Variants in CTNNA2 observed in about 807,000 individuals in gnomAD.
The protein encoded by CTNNA2 is catenin alpha 2.
Under a neutral mutation model 101.0 loss-of-function variants are expected in CTNNA2, and 42 were observed. The observed-to-expected ratio is 0.42, with a 90% CI of 0.32 to 0.54. The LOEUF (loss-of-function observed/expected upper bound fraction) is 0.54, where lower values mean the gene tolerates loss of function less well. Among genes scored for constraint, CTNNA2 ranks in the 20% least tolerant of loss-of-function variants. The pLI is 0.14. For synonymous variants in CTNNA2, 450 were observed against 456.4 expected (o/e 0.99, Z 0.18); for missense variants, 871 against 1,223.1 (o/e 0.71, Z 4.29).
chr2:79,545,661 T>G (rs1036735015), intron 1 of CTNNA2, among the ~76,000 whole-genome samples: 3 of 152,210 alleles, frequency 2.0e-5, no homozygotes, highest in Admixed American at 6.5e-5. Context: ...AGTTTATTGA[T>G]CTTCACAAAT....
rs187261084 is a variant in CTNNA2 at position 79,464,934 on chromosome 2, G to T, written c.-134-40120G>T. Among the ~76,000 whole-genome samples the T allele has an allele frequency of 0.011, 1,637 of 151,880 alleles. 80 individuals carry two copies. In the East Asian group the frequency reaches 0.13, roughly 12 times the overall value. ...AAAATGTTCTCCCATTCTGTAGGTT[G>T]CCTGTTCACTCTGATGGCAGTTTCT... On this transcript the variant is annotated intron_variant, in intron 4 of 21. Transcript: ENST00000466387.
At chr2:79,807,563 G>T (rs965005839) in intron 3 of CTNNA2, among the ~76,000 whole-genome samples, 1 of 152,084 alleles carries the variant, frequency 6.6e-6, no homozygotes, top group African/African-American at 2.4e-5. Context: ...TCCAGACTTA[G>T]TGAATTTATT....
At chr2:80,073,773 T>TACAC in intron 7 of CTNNA2, among the ~76,000 whole-genome samples, 2 of 104,824 alleles carry the variant, frequency 1.9e-5, no homozygotes, top group Non-Finnish European at 4.1e-5. Context: ...CACACACACT[T>TACAC]ATAGGATTGG....
At chr2:79,506,567 A>C (rs138272344) in intron 5 of CTNNA2, among the ~76,000 whole-genome samples, 202 of 152,358 alleles carry the variant, frequency 1.3e-3, no homozygotes, top group African/African-American at 4.6e-3. Context: ...TAAGATGAGG[A>C]ATTTGAAACA....
intron 1 of CTNNA2, among the ~76,000 whole-genome samples, chr2:79,584,670 C>T (rs1396179058): frequency 6.6e-6 from 1 of 151,990 alleles, no homozygotes; most frequent in Non-Finnish European, 1.5e-5. Flanking sequence ...CAGGCACACA[C>T]CACCACGTCC....
chr2:80,343,659 A>G (rs974955003), intron 7 of CTNNA2, among the ~76,000 whole-genome samples: 1 of 152,220 alleles, frequency 6.6e-6, no homozygotes, highest in Non-Finnish European at 1.5e-5. Context: ...ACAATTATTT[A>G]TAAGAAAAAT....
intron 2 of CTNNA2, among the ~76,000 whole-genome samples, chr2:79,285,174 A>C (rs964560847): frequency 6.5e-4 from 99 of 151,636 alleles, no homozygotes; most frequent in Non-Finnish European, 7.5e-4. Context: ...CTAGCGGTCT[A>C]TCAATTTTGT....
chr2:80,601,417 C>CTTTTTTTTTTTTTTTTTTTT (rs375645223), intron 15 of CTNNA2, among the ~76,000 whole-genome samples: 18 of 94,192 alleles, frequency 1.9e-4, no homozygotes, highest in Admixed American at 2.4e-4. Flanking sequence ...TTCTTTCTTT[C>CTTTTTTTTTTTTTTTTTTTT]TTTCTTTTTT....
chr2:80,542,510 T>C (rs1691661524), intron 9 of CTNNA2, among the ~76,000 whole-genome samples: 1 of 152,114 alleles, frequency 6.6e-6, no homozygotes, highest in Non-Finnish European at 1.5e-5. Context: ...GTTGTCACTC[T>C]TTCTTTTTTT....
intron 7 of CTNNA2, among the ~76,000 whole-genome samples, chr2:79,912,284 A>C (rs1685854705): frequency 6.6e-6 from 1 of 152,232 alleles, no homozygotes; most frequent in African/African-American, 2.4e-5. Context: ...TACATGCCAA[A>C]TTGTATGACA....
At chr2:79,260,159 T>G (rs1204478971) in intron 2 of CTNNA2, among the ~76,000 whole-genome samples, 2 of 151,938 alleles carry the variant, frequency 1.3e-5, no homozygotes, top group Non-Finnish European at 2.9e-5. Flanking sequence ...GGGTGGAAGG[T>G]GTTCTAAGTG....
chr2:80,000,749 C>G (rs1231769137), intron 7 of CTNNA2, among the ~76,000 whole-genome samples: 1 of 152,156 alleles, frequency 6.6e-6, no homozygotes, highest in Admixed American at 6.5e-5. Context: ...CTGTGCATGT[C>G]CTGAGTCAAG....
At chr2:79,505,005 G>A (rs767335647) in intron 4 of CTNNA2, 1 of 152,336 alleles carries the variant, frequency 6.6e-6, no homozygotes, top group Non-Finnish European at 1.5e-5. Flanking sequence ...AAGGCAGGAA[G>A]AGAGGAGATG....
intron 17 of CTNNA2, among the ~76,000 whole-genome samples, chr2:80,614,208 T>A (rs549316078): frequency 8.2e-4 from 125 of 151,522 alleles, no homozygotes; most frequent in Non-Finnish European, 1.5e-3. Context: ...GGGAGGTGAT[T>A]GCATATACAG....
In CTNNA2 at chr2:79,857,996, C is replaced by T. The variant is rs751915488; in HGVS notation, c.299-17C>T. 3.1e-6 allele frequency: 5 copies of T among 1,604,492 alleles called. No individual in the cohort carries two copies. Among genetic ancestry groups the T allele is most frequent in the Non-Finnish European group, 1.7e-6 (2 of 1,172,110 alleles). On this transcript the variant is annotated splice_polypyrimidine_tract_variant and intron_variant, in intron 3 of 18. Transcript: ENST00000402739. Reference sequence around the variant, plus strand: ...GCCTCTTGTCTACCCACCTGCCTCTCCGTGTCTGTCTTCCAGGTGAGACGA... The same window carrying T: ...GCCTCTTGTCTACCCACCTGCCTCTTCGTGTCTGTCTTCCAGGTGAGACGA...
chr2:79,358,826 G>T (rs1442217748), intron 3 of CTNNA2, among the ~76,000 whole-genome samples: 1 of 152,176 alleles, frequency 6.6e-6, no homozygotes, highest in Non-Finnish European at 1.5e-5. Context: ...TAGTGGCAGA[G>T]CCAGGAACTT....
intron 12 of CTNNA2, among the ~76,000 whole-genome samples, chr2:80,564,783 G>T (rs905040267): frequency 6.6e-6 from 1 of 152,182 alleles, no homozygotes; most frequent in African/African-American, 2.4e-5. Flanking sequence ...TGTCTGGAGA[G>T]GTAGAAACAG....
chr2:80,415,578 A>G (rs78396384), intron 8 of CTNNA2, among the ~76,000 whole-genome samples: 10,508 of 152,238 alleles, frequency 0.069, 485 homozygotes, highest in Non-Finnish European at 0.1. Flanking sequence ...TGGCAAGGAT[A>G]TGGAGAAAGG....
chr2:79,512,817 G>A (rs1671591500), upstream of CTNNA2, among the ~76,000 whole-genome samples: 1 of 150,974 alleles, frequency 6.6e-6, no homozygotes, highest in African/African-American at 2.4e-5. Flanking sequence ...GCGCGCCCGC[G>A]GCCCCCCACC....
Sources: gnomAD v4.1 joint callset for allele counts (sites outside exome capture counted in the v4.1 genomes callset) on GRCh38, gnomAD v4.1.1 for gene constraint, MANE v1.5 for transcripts, NCBI Gene and HGNC (gene_info 2026-07-23, HGNC 2026-07-21) for gene names.